Variants in NBPF3 observed in about 807,000 individuals in gnomAD.
NBPF3 encodes the protein NBPF member 3, also known as NBPF family member NBPF3.
Under a neutral mutation model 78.1 loss-of-function variants are expected in NBPF3, and 57 were observed. The observed-to-expected ratio is 0.73, with a 90% CI of 0.59 to 0.91. NBPF3 has a LOEUF of 0.91. NBPF3 is among the 40% of genes least tolerant of loss of function. The probability of loss-of-function intolerance (pLI) is 0.00; values close to 1 mark genes in which losing one functional copy is unlikely to be tolerated. For synonymous variants in NBPF3, 182 were observed against 271.7 expected (o/e 0.67, Z 3.25); for missense variants, 510 against 715.3 (o/e 0.71, Z 3.27).
At chr1:21,441,822 T>A (rs1440460651) in intron 1 of NBPF3, among the ~76,000 whole-genome samples, 1 of 151,964 alleles carries the variant, frequency 6.6e-6, no homozygotes, top group African/African-American at 2.4e-5. Flanking sequence ...GTTTTAGAGG[T>A]ATATGAATGA....
Position 21,471,727 on chromosome 1 carries a change from A to T in NBPF3, c.605A>T (p.Glu202Val), listed in dbSNP as rs769185901. 1.2e-6 allele frequency: 2 copies of T among 1,613,412 alleles called. No individual in the cohort carries two copies. Among genetic ancestry groups the T allele is most frequent in the South Asian group, 2.2e-5 (2 of 91,034 alleles). Residue 202 changes from glutamate (E) to valine (V), a missense_variant, in exon 5 of 15, where the codon GAA becomes GTA. Glu to Val is a moderately radical substitution (Grantham distance 121, BLOSUM62 -2). Coordinates refer to ENST00000318249, the MANE Select transcript of NBPF3 (RefSeq NM_032264.6). ...PDNSQGRDLR[E>V]QLAEGCRLAQ... Reference sequence around the variant, plus strand: ...AACTCCCAGGGACGGGACCTCCGAGAACAGCTGGCTGAGGGATGTAGGCTG... The same window carrying T: ...AACTCCCAGGGACGGGACCTCCGAGTACAGCTGGCTGAGGGATGTAGGCTG...
At chr1:21,461,480 T>A (rs532079374) in intron 2 of NBPF3, among the ~76,000 whole-genome samples, 124 of 152,334 alleles carry the variant, frequency 8.1e-4, no homozygotes, top group African/African-American at 2.8e-3. Flanking sequence ...TTCCTTTTTT[T>A]AATTTTTTTG....
chr1:21,456,118 T>G (rs547791243), intron 2 of NBPF3, among the ~76,000 whole-genome samples: 26 of 152,158 alleles, frequency 1.7e-4, no homozygotes, highest in Non-Finnish European at 3.4e-4. Context: ...TCTTGGGAAA[T>G]TCTGTGGGCT....
At chr1:21,444,698 C>A (rs1440597417) in intron 1 of NBPF3, among the ~76,000 whole-genome samples, 1 of 152,152 alleles carries the variant, frequency 6.6e-6, no homozygotes, top group Non-Finnish European at 1.5e-5. Flanking sequence ...GCTGGGACTA[C>A]AAGTGTGTGC....
intron 1 of NBPF3, among the ~76,000 whole-genome samples, chr1:21,441,810 TG>T (rs1412087710): frequency 6.6e-6 from 1 of 152,198 alleles, no homozygotes; most frequent in East Asian, 1.9e-4. Context: ...GTGGCATTGT[TG>T]GTTTTAGAGG....
intron 4 of NBPF3, 89 bp downstream of exon 4, chr1:21,470,823 T>G: frequency 1.2e-6 from 1 of 804,426 alleles, no homozygotes; most frequent in South Asian, 1.4e-5. Flanking sequence ...AGAGCTGAAC[T>G]GGGCCAGGGG....
chr1:21,462,491 T>C (rs965112502), intron 2 of NBPF3, among the ~76,000 whole-genome samples: 4 of 151,882 alleles, frequency 2.6e-5, no homozygotes, highest in African/African-American at 9.7e-5. Context: ...CACTCAAAAA[T>C]TGAAAATTGA....
At chr1:21,437,543 G>C (rs1640448170), upstream of NBPF3, 5 of 1,302,692 alleles carry the variant, frequency 3.8e-6, no homozygotes, top group South Asian at 7.1e-5. Context: ...GTGCTGGGGA[G>C]GTCTGAGCTG....
chr1:21,454,790 A>G (rs1004999120), intron 2 of NBPF3, among the ~76,000 whole-genome samples: 3 of 152,116 alleles, frequency 2.0e-5, no homozygotes, highest in South Asian at 2.1e-4. Context: ...TTAACTTTCT[A>G]TTGCTGCATA....
At chr1:21,451,355 CAT>C (rs1406264161) in intron 2 of NBPF3, among the ~76,000 whole-genome samples, 2 of 152,196 alleles carry the variant, frequency 1.3e-5, no homozygotes, top group Admixed American at 6.5e-5. Flanking sequence ...ATGACTGAGT[CAT>C]AGAATAGGCA....
intron 5 of NBPF3, 133 bp from the exon 6 acceptor site, chr1:21,472,710 A>T: frequency 1.3e-6 from 1 of 740,912 alleles, no homozygotes; most frequent in Non-Finnish European, 2.4e-6. Context: ...GCATTTTGTT[A>T]ACGATAAAAC....
At chr1:21,464,454 G>C (rs113368763) in intron 2 of NBPF3, among the ~76,000 whole-genome samples, 8 of 151,730 alleles carry the variant, frequency 5.3e-5, no homozygotes, top group African/African-American at 9.7e-5. Flanking sequence ...GAGCACAAGA[G>C]GGGGGGAATT....
rs768778989 is a variant in NBPF3 at position 21,445,197 on chromosome 1, T to A, written c.111T>A (p.His37Gln). ...CAGCCTCACATGGTGTGGGCCGACA[T>A]CAAGAGCTGCGAGATCCAACAGGTA... ...PRAASHGVGR[H>Q]QELRDPTVPG... The change falls in exon 2 of 15, where the codon CAT (histidine) becomes CAA (glutamine). Residue 37 changes from histidine to glutamine, a missense_variant. By Grantham distance (24) the His-to-Gln change is conservative. Coordinates refer to ENST00000318249, the MANE Select transcript of NBPF3 (RefSeq NM_032264.6). The A allele has an allele frequency of 3.1e-6, 5 of 1,611,638 alleles. No individual in the cohort carries two copies. Among genetic ancestry groups the A allele is most frequent in the Non-Finnish European group, 4.2e-6 (5 of 1,179,696 alleles).
rs1303788262 is a variant in NBPF3 at position 21,468,842 on chromosome 1, GA to G, written c.291del (p.Lys97AsnfsTer4). 1 of 1,614,054 alleles carries G rather than the reference GA, an allele frequency of 6.2e-7. No individual in the cohort carries two copies. The highest frequency in any genetic ancestry group is 8.5e-7 in the Non-Finnish European group (1 of 1,180,032). On this transcript the variant is annotated frameshift_variant, in exon 3 of 15. Coordinates refer to ENST00000318249, the MANE Select transcript of NBPF3 (RefSeq NM_032264.6). LOFTEE classifies it high-confidence loss of function. ...AACAGCAGTTCAGAAACCTCAAACA[GA>G]AATGTCTTGTAACTCAAGTGGCCTA... ...NKQQFRNLKQ[K>X]CLVTQVAYFL...
chr1:21,463,679 A>C (rs986338938), intron 2 of NBPF3, among the ~76,000 whole-genome samples: 4 of 152,222 alleles, frequency 2.6e-5, no homozygotes, highest in Non-Finnish European at 5.9e-5. Flanking sequence ...AATCCACATA[A>C]TGGGAGAACT....
chr1:21,475,019 TGAG>T (rs1642818248), intron 8 of NBPF3, 68 bp downstream of exon 8: 5 of 1,406,882 alleles, frequency 3.6e-6, no homozygotes, highest in Admixed American at 3.5e-5. Flanking sequence ...TTAGAGAAAA[TGAG>T]GAAGCAATGA....
intron 10 of NBPF3, among the ~76,000 whole-genome samples, chr1:21,479,792 A>ATC (rs374091070): frequency 0.064 from 5,123 of 80,562 alleles, 147 homozygotes; most frequent in East Asian, 0.16. Context: ...TGAGCTCACT[A>ATC]TCTCTCTCTC....
upstream of NBPF3, chr1:21,436,819 G>A (rs1640435228): frequency 1.9e-6 from 2 of 1,069,052 alleles, no homozygotes; most frequent in Middle Eastern, 6.7e-4. The surrounding 1 kb of genome is among the most constrained non-coding windows in gnomAD (Gnocchi z 4.3). Flanking sequence ...GGTAGGAAGG[G>A]GCTTGAGCGT....
chr1:21,443,004 G>T (rs374105113), intron 1 of NBPF3, among the ~76,000 whole-genome samples: 1 of 152,036 alleles, frequency 6.6e-6, no homozygotes, highest in African/African-American at 2.4e-5. Context: ...CTTTATCCAG[G>T]ACCATTTATT....
Sources: allele counts gnomAD v4.1 joint callset (sites outside exome capture counted in the v4.1 genomes callset), GRCh38; gene constraint gnomAD v4.1.1; non-coding constraint Gnocchi (gnomAD v3.1); transcripts MANE v1.5; gene names NCBI Gene and HGNC (gene_info 2026-07-23, HGNC 2026-07-21).